Variants in RPS11 observed in about 807,000 individuals in gnomAD.
RPS11 encodes ribosomal protein S11, also known as small ribosomal subunit protein uS17.
For synonymous variants in RPS11, 107 were observed against 78.0 expected, an observed-to-expected ratio of 1.37 and a Z score of -1.96; for missense variants, 127 against 211.4, an observed-to-expected ratio of 0.60 and a Z score of 2.48.
chr19:49,498,135 G>C, intron 4 of RPS11, 89 bp downstream of exon 4: 1 of 1,421,580 alleles, frequency 7.0e-7, no homozygotes, highest in Non-Finnish European at 9.9e-7. Flanking sequence ...AACTGAGGGA[G>C]GGAAAGACTG....
In RPS11 at chr19:49,497,526, G is replaced by C. The variant is rs1384545275; in HGVS notation, c.154G>C (p.Glu52Gln). ...ATCTTTCCTATCCTTTCAGGCTATT[G>C]AGGGCACCTACATTGACAAGAAATG... ...LGFKTPKEAI[E>Q]GTYIDKKCPF... The change falls in exon 3 of 5, where the codon GAG becomes CAG. Residue 52 changes from glutamate (E) to glutamine (Q), a missense_variant. Glu to Gln is a conservative substitution (Grantham distance 29, BLOSUM62 2). Transcript: ENST00000270625. The C allele has an allele frequency of 6.2e-7, 1 of 1,613,638 alleles. No individual in the cohort carries two copies. Among genetic ancestry groups the C allele is most frequent in the Non-Finnish European group, 8.5e-7 (1 of 1,179,846 alleles).
chr19:49,496,680 C>T (rs2079908023), intron 1 of RPS11, among the ~76,000 whole-genome samples: 3 of 152,110 alleles, frequency 2.0e-5, no homozygotes, highest in Admixed American at 2.0e-4. Flanking sequence ...TTAATGGAGG[C>T]TCAAGCGTTT....
rs1568692129 is a variant in RPS11, at chr19:49,497,344, G to GA, written c.147+22dup. The GA allele has an allele frequency of 1.2e-6, 2 of 1,613,736 alleles. No homozygotes were observed. ...CAAGGAGGTGCGGGGAACCTCAGAAGAAAGAAGGGGAACCTGGCGTTCCTG... is the reference window on the plus strand; with the variant it reads ...CAAGGAGGTGCGGGGAACCTCAGAAGAAAAGAAGGGGAACCTGGCGTTCCTG... On this transcript the variant is annotated intron_variant, in intron 2 of 4. Coordinates refer to ENST00000270625, the MANE Select transcript of RPS11 (RefSeq NM_001015.5).
At chr19:49,496,617 C>A in intron 1 of RPS11, 146 bp downstream of exon 1, 3 of 863,826 alleles carry the variant, frequency 3.5e-6, no homozygotes, top group South Asian at 1.7e-5. Context: ...GAGTGGAGGG[C>A]GCTTGCTTTT....
intron 4 of RPS11, among the ~76,000 whole-genome samples, chr19:49,498,749 C>T (rs145131830): frequency 9.8e-4 from 149 of 152,274 alleles, no homozygotes; most frequent in African/African-American, 3.6e-3. Flanking sequence ...GACCCTGTCT[C>T]TCCCACACAC....
At chr19:49,497,893 C>T (rs1363180713) in intron 3 of RPS11, 24 bp from the exon 4 acceptor site, 5 of 1,613,954 alleles carry the variant, frequency 3.1e-6, no homozygotes, top group Non-Finnish European at 4.2e-6. Context: ...TGGGACCTGA[C>T]CTATGATCGG....
intron 1 of RPS11, among the ~76,000 whole-genome samples, chr19:49,496,825 C>G (rs2079908814): frequency 1.3e-5 from 2 of 152,172 alleles, no homozygotes; most frequent in Admixed American, 1.3e-4. Context: ...ATTCTGAATC[C>G]TTATGTACTA....
rs2079913181 is a variant in RPS11, at chr19:49,497,591, C to T, written c.219C>T (p.Leu73=). 5 of 1,613,678 alleles carry T rather than the reference C, an allele frequency of 3.1e-6. No homozygotes were observed. The highest frequency in any genetic ancestry group is 4.5e-5 in the East Asian group (2 of 44,898). Residue 73 remains leucine, a synonymous_variant, in exon 3 of 5, where the codon CTC becomes CTT. Transcript: ENST00000270625. ...ATGTGTCCATTCGAGGGCGGATCCT[C>T]TCTGGTAAGTGCGGGAGTTACTGGT... ...TGNVSIRGRI[L]SGVVTKMKMQ... is the part of the protein sequence containing the mutation.
At chr19:49,497,425 T>C in intron 2 of RPS11, 95 bp from the exon 3 acceptor site, 1 of 1,596,350 alleles carries the variant, frequency 6.3e-7, no homozygotes, top group Non-Finnish European at 8.6e-7. Context: ...CTGGGGCTGC[T>C]GGGAATTGTA....
intron 4 of RPS11, 142 bp downstream of exon 4, chr19:49,498,188 A>T: frequency 1.1e-6 from 1 of 877,044 alleles, no homozygotes; most frequent in Non-Finnish European, 1.8e-6. Context: ...GGATTTGTAT[A>T]TCATATGTTC....
At chr19:49,496,833 C>G (rs557088161) in intron 1 of RPS11, among the ~76,000 whole-genome samples, 1 of 152,000 alleles carries the variant, frequency 6.6e-6, no homozygotes, top group African/African-American at 2.4e-5. Context: ...TCCTTATGTA[C>G]TACATAAGGA....
chr19:49,497,396 G>T lies in RPS11; in HGVS notation c.147+71G>T, dbSNP rs2517976. 124 of 1,605,818 alleles carry T rather than the reference G, an allele frequency of 7.7e-5. No homozygotes were observed. The African/African-American group carries it at 1.5e-3, about 19-fold the overall frequency. ...ACGTGTGCCCACGACGAGTTGCCCT[G>T]CCTGCATCTAAGTGGCTTCTGGGGC... On this transcript the variant is annotated intron_variant, in intron 2 of 4. Coordinates refer to ENST00000270625, the MANE Select transcript of RPS11 (RefSeq NM_001015.5).
chr19:49,498,273 C>T (rs2079917459), intron 4 of RPS11: 1 of 548,616 alleles, frequency 1.8e-6, no homozygotes, highest in South Asian at 2.0e-5. Context: ...AATGTTCTCG[C>T]ATACATAGTG....
At chr19:49,497,477 C>A in intron 2 of RPS11, 43 bp from the exon 3 acceptor site, 1 of 1,606,322 alleles carries the variant, frequency 6.2e-7, no homozygotes, top group Non-Finnish European at 8.5e-7. Flanking sequence ...TTTAAGGAAC[C>A]GCCCGCCCAA....
At chr19:49,497,044 G>A (rs1427920519) in intron 1 of RPS11, 150 bp from the exon 2 acceptor site, 1 of 776,084 alleles carries the variant, frequency 1.3e-6, no homozygotes, top group South Asian at 1.8e-5. Context: ...TGTCTTAGAG[G>A]GTGATTCTGG....
intron 4 of RPS11, chr19:49,498,343 T>A: frequency 2.5e-6 from 1 of 405,458 alleles, no homozygotes; most frequent in Middle Eastern, 7.7e-4. Context: ...CATATACACC[T>A]TATTCACATA....
intron 1 of RPS11, among the ~76,000 whole-genome samples, chr19:49,496,685 G>C (rs2079908033): frequency 6.6e-6 from 1 of 152,126 alleles, no homozygotes; most frequent in South Asian, 2.1e-4. Context: ...GGAGGCTCAA[G>C]CGTTTTAGGA....
At chr19:49,496,888 G>A (rs2079909136) in intron 1 of RPS11, among the ~76,000 whole-genome samples, 1 of 152,034 alleles carries the variant, frequency 6.6e-6, no homozygotes, top group Admixed American at 6.6e-5. Context: ...AATGATCCTC[G>A]CTGAAAGGTG....
At chr19:49,498,390 C>G (rs1167144672) in intron 4 of RPS11, 1 of 304,472 alleles carries the variant, frequency 3.3e-6, no homozygotes, top group Non-Finnish European at 6.4e-6. Context: ...TTTTATAATT[C>G]TGTGTGAAAC....
Sources: gnomAD v4.1 joint callset for allele counts (sites outside exome capture counted in the v4.1 genomes callset) on GRCh38, gnomAD v4.1.1 for gene constraint, MANE v1.5 for transcripts, NCBI Gene and HGNC (gene_info 2026-07-23, HGNC 2026-07-21) for gene names.